UTP4: variants seen among roughly 807,000 people sequenced by gnomAD.
UTP4 encodes U3 small nucleolar RNA-associated protein 4 homolog.
UTP4 carries 45 observed loss-of-function variants against 82.4 expected under a neutral mutation model. The observed-to-expected ratio is 0.55, with a 90% CI of 0.43 to 0.70. The LOEUF (loss-of-function observed/expected upper bound fraction) is 0.70. Ranked by LOEUF, UTP4 falls within the 30% of genes least tolerant of loss-of-function variation. The pLI, the probability that UTP4 is intolerant of heterozygous loss-of-function variation, is 0.00. For missense variants in UTP4, 819 were observed against 858.3 expected, an observed-to-expected ratio of 0.95 and a Z score of 0.57; for synonymous variants, 348 against 300.3, an observed-to-expected ratio of 1.16 and a Z score of -1.64.
chr16:69,150,743 C>G (rs1196309726), intron 7 of UTP4, 35 bp downstream of exon 7: 1 of 1,613,940 alleles, frequency 6.2e-7, no homozygotes, highest in African/African-American at 1.3e-5. Context: ...GCTGCTTTAC[C>G]CTGCCCAGTT....
At position 69,143,245 on chromosome 16, in the gene UTP4, G is replaced by A; in HGVS notation, c.594G>A (p.Val198=). The A allele has an allele frequency of 2.5e-6, 4 of 1,614,250 alleles. No individual in the cohort carries two copies. In the South Asian group the frequency reaches 4.4e-5, roughly 18 times the overall value. ...YMGVSKRKCI[V]WGVAFLSDGT... The stretch of plus-strand genomic sequence containing the variant: ...GCGTGTCTAAGCGGAAGTGCATCGT[G>A]TGGGGTGTCGCCTTCTTGTCCGATG... The change falls in exon 6 of 17, where the codon GTG becomes GTA. Residue 198 remains valine (V), a synonymous_variant. Transcript: ENST00000314423.
chr16:69,133,396 A>G lies in UTP4; in HGVS notation c.-2-62A>G, dbSNP rs1052687993. 2.0e-6 allele frequency: 3 copies of G among 1,505,560 alleles called. No individual in the cohort carries two copies. In the African/African-American group the frequency reaches 4.1e-5, roughly 21 times the overall value. The allele number at this position is 1,505,560 out of a possible 1,614,324, so 93.3% of individuals were successfully genotyped here. ...CAGAACAGTGATATTAAGGAACTGA[A>G]TACTATATGTGACATACTGCAGTTA... On this transcript the variant is annotated intron_variant, in intron 1 of 16. Coordinates refer to ENST00000314423, the MANE Select transcript of UTP4 (RefSeq NM_032830.3).
At position 69,151,753 on chromosome 16, in the gene UTP4, A is replaced by G. The variant is rs541900477; in HGVS notation, c.1002+849A>G. 1.7e-4 allele frequency among the ~76,000 whole-genome samples: 26 copies of G among 152,146 alleles called. No individual in the cohort carries two copies. In the South Asian group the frequency reaches 4.1e-3, roughly 24 times the overall value. Reference sequence around the variant, plus strand: ...TTTATGGGGGCAGGAGATATGCAGCAGCACACCTAGTTCAGTTTCTGGGGA... The same window carrying G: ...TTTATGGGGGCAGGAGATATGCAGCGGCACACCTAGTTCAGTTTCTGGGGA... On this transcript the variant is annotated intron_variant, in intron 8 of 16. Transcript: ENST00000314423.
chr16:69,137,786 C>T lies in UTP4; in HGVS notation c.352-15C>T, dbSNP rs1011990327. 2.0e-6 allele frequency: 3 copies of T among 1,524,824 alleles called. No individual in the cohort carries two copies. The highest frequency in any genetic ancestry group is 2.7e-6 in the Non-Finnish European group (3 of 1,098,672). The allele number at this position is 1,524,824 out of a possible 1,614,324, so 94.5% of individuals were successfully genotyped here. ...ACTATTGATTTTTTCTGTTTACTAC[C>T]TCTTTCTCAAATAGGTTGGTTGTGA... On this transcript the variant is annotated splice_polypyrimidine_tract_variant and intron_variant, in intron 3 of 16. Coordinates refer to ENST00000314423, the MANE Select transcript of UTP4 (RefSeq NM_032830.3).
chr16:69,160,543 A>T (rs1963537113), intron 13 of UTP4, 81 bp downstream of exon 13: 3 of 969,148 alleles, frequency 3.1e-6, no homozygotes, highest in Admixed American at 3.4e-5. Context: ...TTCAAGGCAG[A>T]TTGGCATGAC....
intron 6 of UTP4, among the ~76,000 whole-genome samples, chr16:69,145,377 C>T (rs1567603920): frequency 6.6e-6 from 1 of 151,920 alleles, no homozygotes; most frequent in Non-Finnish European, 1.5e-5. Context: ...TCTCCTGACT[C>T]AGCCTCCCAA....
In UTP4 at chr16:69,137,676, C is replaced by G. The variant is rs72789241; in HGVS notation, c.352-125C>G. On this transcript the variant is annotated intron_variant, in intron 3 of 16. Transcript: ENST00000314423. Reference sequence around the variant, plus strand: ...CACAAATGATTTTTCTTTTTCACGGCAACTGATAGCTTTAAGGAGGAAGAG... The same window carrying G: ...CACAAATGATTTTTCTTTTTCACGGGAACTGATAGCTTTAAGGAGGAAGAG... 1,096 of 672,562 alleles carry G rather than the reference C, an allele frequency of 1.6e-3. 4 individuals are homozygous for G. The highest frequency in any genetic ancestry group is 6.2e-3 in the Middle Eastern group (16 of 2,586). The allele number at this position is 672,562 out of a possible 1,614,324, so 41.7% of individuals were successfully genotyped here.
chr16:69,133,666 T>G lies in UTP4; in HGVS notation c.159+48T>G, dbSNP rs770469250. ...ATGGTGTTTTGATGTTAATTTCTTC[T>G]GAAGTTCAAGAAGCTTGTATGTCTT... On this transcript the variant is annotated intron_variant, in intron 2 of 16. Coordinates refer to ENST00000314423, the MANE Select transcript of UTP4 (RefSeq NM_032830.3). 2.5e-6 allele frequency: 4 copies of G among 1,586,890 alleles called. No homozygotes were observed. In the East Asian group the frequency reaches 6.7e-5, roughly 27 times the overall value.
At position 69,150,520 on chromosome 16, in the gene UTP4, A is replaced by G. The variant is rs773340248; in HGVS notation, c.739-17A>G. ...TGTTTTGCTTACGTGTACCTCCCTC[A>G]TGATTTAATTCCTCAGCAAGAAGAC... is the stretch of plus-strand genomic sequence containing the variant. On this transcript the variant is annotated splice_polypyrimidine_tract_variant and intron_variant, in intron 6 of 16. Transcript: ENST00000314423. 3.7e-6 allele frequency: 6 copies of G among 1,614,122 alleles called. No individual in the cohort carries two copies. The highest frequency in any genetic ancestry group is 5.1e-6 in the Non-Finnish European group (6 of 1,179,998).
At chr16:69,162,343 C>T (rs1040449237) in intron 13 of UTP4, among the ~76,000 whole-genome samples, 6 of 151,406 alleles carry the variant, frequency 4.0e-5, no homozygotes, top group African/African-American at 1.5e-4. Context: ...TTTGGGAGGC[C>T]GAGGTGGGTG....
At chr16:69,153,504 A>G (rs1251513400) in intron 8 of UTP4, 80 bp from the exon 9 acceptor site, 3 of 941,880 alleles carry the variant, frequency 3.2e-6, no homozygotes, top group South Asian at 1.4e-5. Context: ...AAAATGTGCT[A>G]AGGTGGTGCT....
intron 3 of UTP4, 81 bp downstream of exon 3, chr16:69,136,968 G>A (rs1962829890): frequency 8.2e-7 from 1 of 1,215,410 alleles, no homozygotes; most frequent in South Asian, 1.2e-5. Flanking sequence ...TCATAGGAGA[G>A]TAACGATATA....
rs1406609026 is a variant in UTP4, at chr16:69,146,838, A to T, written c.738+3449A>T. On this transcript the variant is annotated intron_variant, in intron 6 of 16. Transcript: ENST00000314423. ...GGTGAAACCCCATCTCTACTAAAAA[A>T]AAAAAATACAAAAAATTAGCCGGGT... Among the ~76,000 whole-genome samples, 4 of 151,312 alleles carry T rather than the reference A, an allele frequency of 2.6e-5. No homozygotes were observed. In the East Asian group the frequency reaches 5.8e-4, roughly 22 times the overall value.
At chr16:69,138,467 G>T (rs1962871597) in intron 4 of UTP4, among the ~76,000 whole-genome samples, 1 of 152,004 alleles carries the variant, frequency 6.6e-6, no homozygotes, top group South Asian at 2.1e-4. Context: ...CGAACTCTTG[G>T]TCTTACTCAA....
At position 69,132,649 on chromosome 16, in the gene UTP4, G is replaced by C. The variant is rs1404121007; in HGVS notation, c.-43G>C. ...GCGCGCGCGCACGTGGGGCCGGGGC[G>C]GAGAGAGGCGAGCACCGGGAAGGGG... is the stretch of plus-strand genomic sequence containing the variant. On this transcript the variant is annotated 5_prime_UTR_variant, in exon 1 of 17. Coordinates refer to ENST00000314423, the MANE Select transcript of UTP4 (RefSeq NM_032830.3). 5 of 367,942 alleles carry C rather than the reference G, an allele frequency of 1.4e-5. No homozygotes were observed. The highest frequency in any genetic ancestry group is 2.6e-5 in the Non-Finnish European group (5 of 188,832). 22.8% of individuals were successfully genotyped at this position (367,942 alleles called of 1,614,324 possible). A position where few individuals can be genotyped will look rare whatever the true frequency, so the allele number is the denominator to read the frequency against.
chr16:69,135,640 C>G (rs1295369390), intron 2 of UTP4, among the ~76,000 whole-genome samples: 1 of 152,080 alleles, frequency 6.6e-6, no homozygotes, highest in Non-Finnish European at 1.5e-5. Context: ...CGCTTGAGCT[C>G]AGGAGGTTGA....
intron 15 of UTP4, 44 bp downstream of exon 15, chr16:69,165,570 A>G: frequency 6.6e-7 from 1 of 1,513,446 alleles, no homozygotes; most frequent in South Asian, 1.1e-5. Flanking sequence ...TCTGAATCTT[A>G]AAGTTCTAAA....
In UTP4 at chr16:69,138,146, A is replaced by C. The variant is rs1470495999; in HGVS notation, c.436+261A>C. 7 of 489,036 alleles carry C rather than the reference A, an allele frequency of 1.4e-5. No individual in the cohort carries two copies. The Middle Eastern group carries it at 1.7e-3, about 118-fold the overall frequency. 30.3% of individuals were successfully genotyped at this position (489,036 alleles called of 1,614,324 possible). A position where few individuals can be genotyped will look rare whatever the true frequency, so the allele number is the denominator to read the frequency against. On this transcript the variant is annotated intron_variant, in intron 4 of 16. Transcript: ENST00000314423. ...GTGTTTCTGTGGAAGTCAATTTGTT[A>C]GTTATCACTTACTTTTGTGATGTTT...
chr16:69,144,201 T>TC (rs1027896327), intron 6 of UTP4, among the ~76,000 whole-genome samples: 1 of 134,624 alleles, frequency 7.4e-6, no homozygotes, highest in Non-Finnish European at 1.6e-5. Context: ...TTTCTCTCTC[T>TC]TTTTTTTTTT....
Sources: allele counts gnomAD v4.1 joint callset (sites outside exome capture counted in the v4.1 genomes callset), GRCh38; gene constraint gnomAD v4.1.1; transcripts MANE v1.5; gene names NCBI Gene and HGNC (gene_info 2026-07-23, HGNC 2026-07-21).